NALF1: variants seen among roughly 807,000 people sequenced by gnomAD.
NALF1 encodes the protein family with sequence similarity 155 member A.
NALF1 carries 3 observed loss-of-function variants against 48.4 expected under a neutral mutation model. The ratio of observed to expected loss-of-function variants is 0.06; its 90% confidence interval spans 0.03 to 0.16. The LOEUF (loss-of-function observed/expected upper bound fraction) is 0.16, where lower values mean the gene tolerates loss of function less well. NALF1 is among the 10% of genes least tolerant of loss of function. The pLI is 1.00. For synonymous variants in NALF1, 262 were observed against 245.7 expected (o/e 1.07, Z -0.62); for missense variants, 526 against 571.5 (o/e 0.92, Z 0.81).
chr13:107,655,151 C>T (rs747264566), intron 1 of NALF1, among the ~76,000 whole-genome samples: 9 of 151,948 alleles, frequency 5.9e-5, no homozygotes, highest in Non-Finnish European at 1.2e-4. Context: ...CTAGCCAGAG[C>T]AATCAGACAA....
intron 1 of NALF1, among the ~76,000 whole-genome samples, chr13:107,416,177 T>TC (rs1884085317): frequency 6.7e-6 from 1 of 149,326 alleles, no homozygotes; most frequent in African/African-American, 2.5e-5. Flanking sequence ...CGGCTAAATT[T>TC]TTTTTTTTTT....
intron 1 of NALF1, among the ~76,000 whole-genome samples, chr13:107,644,117 T>A (rs1880240717): frequency 6.6e-6 from 1 of 150,384 alleles, no homozygotes; most frequent in African/African-American, 2.5e-5. Context: ...GGATAATTTA[T>A]AAACCTAATA....
At chr13:107,654,464 A>G (rs1210194817) in intron 1 of NALF1, among the ~76,000 whole-genome samples, 1 of 152,150 alleles carries the variant, frequency 6.6e-6, no homozygotes, top group African/African-American at 2.4e-5. Context: ...AGAATCTCTG[A>G]ACAGATCAAT....
At position 107,193,998 on chromosome 13, in the gene NALF1, CCTAT is replaced by C. The variant is rs748959430; in HGVS notation, c.1087+16582_1087+16585del. Among the ~76,000 whole-genome samples the C allele has an allele frequency of 8.4e-4, 126 of 149,822 alleles. No individual in the cohort carries two copies. The Middle Eastern group carries it at 0.014, about 16-fold the overall frequency. On this transcript the variant is annotated intron_variant, in intron 2 of 2. Coordinates refer to ENST00000375915, the MANE Select transcript of NALF1 (RefSeq NM_001080396.3). ...ATCTTTATATATCTCAACTTATATA[CCTAT>C]CTATCTTATCTATCTATCTATCTAT...
chr13:107,270,310 G>T (rs1385189533), intron 1 of NALF1, among the ~76,000 whole-genome samples: 1 of 151,928 alleles, frequency 6.6e-6, no homozygotes, highest in Non-Finnish European at 1.5e-5. Context: ...CATTTATCAA[G>T]GCAATACATG....
intron 1 of NALF1, among the ~76,000 whole-genome samples, chr13:107,272,718 T>A (rs921331263): frequency 6.6e-6 from 1 of 152,184 alleles, no homozygotes; most frequent in Non-Finnish European, 1.5e-5. Flanking sequence ...CAAAATATAT[T>A]TTCAGCCATC....
At chr13:107,498,004 A>T (rs551629257) in intron 1 of NALF1, among the ~76,000 whole-genome samples, 1 of 152,016 alleles carries the variant, frequency 6.6e-6, no homozygotes, top group Non-Finnish European at 1.5e-5. Context: ...TGAGTGCCTT[A>T]TAAGTTCTGG....
At chr13:107,631,228 C>T (rs1879825769) in intron 1 of NALF1, among the ~76,000 whole-genome samples, 1 of 151,986 alleles carries the variant, frequency 6.6e-6, no homozygotes, top group Admixed American at 6.6e-5. Flanking sequence ...ATTTTTAATG[C>T]ATAAGTAATA....
chr13:107,557,633 T>C (rs1336616936), intron 1 of NALF1, among the ~76,000 whole-genome samples: 1 of 152,152 alleles, frequency 6.6e-6, no homozygotes, highest in Admixed American at 6.5e-5. Flanking sequence ...TTATTTTGGT[T>C]TCTCAGAAGC....
chr13:107,503,753 T>TGTGTGTGTG (rs1329568918), intron 1 of NALF1, among the ~76,000 whole-genome samples: 1,313 of 70,888 alleles, frequency 0.019, 27 homozygotes, highest in Non-Finnish European at 0.026. Flanking sequence ...GTGTGTGTGT[T>TGTGTGTGTG]TGTGTGTGTG....
intron 1 of NALF1, among the ~76,000 whole-genome samples, chr13:107,671,345 T>C (rs985536153): frequency 3.3e-5 from 5 of 152,088 alleles, no homozygotes; most frequent in Non-Finnish European, 5.9e-5. Flanking sequence ...AACAAAAATA[T>C]ATTTAAAAGC....
intron 1 of NALF1, among the ~76,000 whole-genome samples, chr13:107,385,684 C>A (rs984994476): frequency 6.6e-6 from 1 of 151,814 alleles, no homozygotes; most frequent in South Asian, 2.1e-4. Flanking sequence ...ACAAGGTATG[C>A]GGCTATTTGA....
In NALF1 at chr13:107,867,143, C is replaced by T. The variant is rs1411229782; in HGVS notation, c.-547G>A. 1.3e-5 allele frequency among the ~76,000 whole-genome samples: 2 copies of T among 151,738 alleles called. No homozygotes were observed. Among genetic ancestry groups the T allele is most frequent in the Non-Finnish European group, 2.9e-5 (2 of 67,862 alleles). On this transcript the variant is annotated 5_prime_UTR_variant, in exon 1 of 3. Coordinates refer to ENST00000375915, the MANE Select transcript of NALF1 (RefSeq NM_001080396.3). This position sits in a 1 kb window ranked among gnomAD's most constrained non-coding sequence, Gnocchi z 4.4. The stretch of plus-strand genomic sequence containing the variant: ...GCCTCCCCTCCTCCTCCTCCTCCTC[C>T]TCTTCTTCTCCTCCTCTTCCTCCTC...
intron 1 of NALF1, among the ~76,000 whole-genome samples, chr13:107,302,438 AT>A (rs953465510): frequency 2.0e-5 from 3 of 151,066 alleles, no homozygotes; most frequent in Admixed American, 6.6e-5. Context: ...TCATTTCAAA[AT>A]TTTTTTTTTC....
At chr13:107,515,412 C>A (rs1008634663) in intron 1 of NALF1, among the ~76,000 whole-genome samples, 3 of 152,088 alleles carry the variant, frequency 2.0e-5, no homozygotes, top group African/African-American at 7.2e-5. Context: ...ATGCAAAGTT[C>A]TTTAACCCAT....
intron 2 of NALF1, among the ~76,000 whole-genome samples, chr13:107,175,186 G>A (rs191780413): frequency 8.4e-4 from 128 of 152,108 alleles, no homozygotes; most frequent in African/African-American, 2.9e-3. Flanking sequence ...ATCGCGCCCG[G>A]CCCAACCTTT....
intron 1 of NALF1, among the ~76,000 whole-genome samples, chr13:107,227,985 CTATT>C (rs1317709004): frequency 6.6e-6 from 1 of 152,104 alleles, no homozygotes; most frequent in African/African-American, 2.4e-5. Flanking sequence ...AATGAAATCG[CTATT>C]TAATTAACTT....
At chr13:107,443,176 CT>C (rs1566344563) in intron 1 of NALF1, among the ~76,000 whole-genome samples, 13 of 126,298 alleles carry the variant, frequency 1.0e-4, no homozygotes, top group South Asian at 2.4e-4. Flanking sequence ...AACAATCTAT[CT>C]ATCTATCTAT....
intron 1 of NALF1, among the ~76,000 whole-genome samples, chr13:107,509,287 A>G (rs1227337009): frequency 6.6e-6 from 1 of 152,150 alleles, no homozygotes; most frequent in Non-Finnish European, 1.5e-5. Flanking sequence ...ATATTCATCA[A>G]ATAGAATTGA....
Sources: gnomAD v4.1 joint callset for allele counts (sites outside exome capture counted in the v4.1 genomes callset) on GRCh38, gnomAD v4.1.1 for gene constraint, Gnocchi (gnomAD v3.1) non-coding constraint, MANE v1.5 for transcripts, NCBI Gene and HGNC (gene_info 2026-07-23, HGNC 2026-07-21) for gene names.